Variants in ADAMTS19 observed in about 807,000 individuals in gnomAD.
The protein encoded by ADAMTS19 is ADAM metallopeptidase with thrombospondin type 1 motif 19.
In ADAMTS19, 93 loss-of-function variants were observed where a neutral mutation model predicts 153.3. The observed-to-expected ratio is 0.61, with a 90% CI of 0.51 to 0.72. The LOEUF (loss-of-function observed/expected upper bound fraction) is 0.72. Among genes scored for constraint, ADAMTS19 ranks in the 30% least tolerant of loss-of-function variants. ADAMTS19 has a pLI of 0.00. For missense variants in ADAMTS19, 1,482 were observed against 1,552.1 expected, an observed-to-expected ratio of 0.95 and a Z score of 0.76; for synonymous variants, 600 against 556.6, an observed-to-expected ratio of 1.08 and a Z score of -1.10.
chr5:129,613,487 C>G (rs978044115), intron 8 of ADAMTS19, among the ~76,000 whole-genome samples: 2 of 151,886 alleles, frequency 1.3e-5, no homozygotes, highest in African/African-American at 4.8e-5. Context: ...TTGAAACCAA[C>G]GAGAACAAAG....
intron 7 of ADAMTS19, 41 bp downstream of exon 7, chr5:129,551,948 C>G (rs1313742910): frequency 3.0e-6 from 4 of 1,342,044 alleles, no homozygotes; most frequent in Non-Finnish European, 3.1e-6. Context: ...TTCTGGAGAA[C>G]TTGAACATAT....
At chr5:129,530,742 G>A (rs918291480) in intron 6 of ADAMTS19, among the ~76,000 whole-genome samples, 3 of 151,258 alleles carry the variant, frequency 2.0e-5, no homozygotes, top group Non-Finnish European at 2.9e-5. Context: ...ACAACTGAAA[G>A]CAAGGTAAGG....
intron 7 of ADAMTS19, among the ~76,000 whole-genome samples, chr5:129,565,329 C>CA (rs1298125404): frequency 6.6e-6 from 1 of 152,182 alleles, no homozygotes. Flanking sequence ...GTCTGGGTCT[C>CA]AGATATATTC....
At chr5:129,586,504 A>G (rs147359023) in intron 7 of ADAMTS19, among the ~76,000 whole-genome samples, 40 of 152,294 alleles carry the variant, frequency 2.6e-4, no homozygotes, top group Admixed American at 1.8e-3. Context: ...ATGGCTTGAT[A>G]GCTCATTTCA....
At chr5:129,568,691 G>T (rs1337527076) in intron 7 of ADAMTS19, among the ~76,000 whole-genome samples, 1 of 151,938 alleles carries the variant, frequency 6.6e-6, no homozygotes, top group African/African-American at 2.4e-5. Flanking sequence ...GCATGGTATT[G>T]TGTTCTGGTA....
chr5:129,491,426 T>G (rs1750768996), intron 2 of ADAMTS19, among the ~76,000 whole-genome samples: 1 of 152,168 alleles, frequency 6.6e-6, no homozygotes, highest in Non-Finnish European at 1.5e-5. Flanking sequence ...TGAAAAGCAT[T>G]CTGTTATTGT....
At chr5:129,701,261 A>C in intron 19 of ADAMTS19, 127 bp from the exon 20 acceptor site, 2 of 1,034,424 alleles carry the variant, frequency 1.9e-6, no homozygotes, top group Non-Finnish European at 2.9e-6. Flanking sequence ...AACTGTGTCA[A>C]TTGGACCTCT....
intron 8 of ADAMTS19, among the ~76,000 whole-genome samples, chr5:129,607,157 T>A (rs954561271): frequency 6.6e-6 from 1 of 152,184 alleles, no homozygotes; most frequent in Non-Finnish European, 1.5e-5. Context: ...CCTCAGGTGA[T>A]CCACCCGCGG....
chr5:129,672,189 T>C (rs1167430097), intron 16 of ADAMTS19, among the ~76,000 whole-genome samples: 9 of 152,086 alleles, frequency 5.9e-5, no homozygotes, highest in Non-Finnish European at 1.2e-4. Flanking sequence ...TTGGGACTCT[T>C]ATAAGAACAC....
chr5:129,668,301 T>C (rs1294272009), intron 16 of ADAMTS19, among the ~76,000 whole-genome samples: 1 of 152,202 alleles, frequency 6.6e-6, no homozygotes, highest in Non-Finnish European at 1.5e-5. Context: ...TATCTGTAAT[T>C]TTTTAATGTG....
intron 5 of ADAMTS19, among the ~76,000 whole-genome samples, chr5:129,528,206 G>A (rs1752082412): frequency 6.6e-6 from 1 of 151,960 alleles, no homozygotes; most frequent in African/African-American, 2.4e-5. Flanking sequence ...AGAAAATGGT[G>A]TTCTACATAG....
Position 129,460,383 on chromosome 5 carries a change from G to C in ADAMTS19, c.-9G>C. On this transcript the variant is annotated 5_prime_UTR_variant, in exon 1 of 23. Transcript: ENST00000274487. ...GCCGGGCGAGAAGCCGCGGCCGCGG[G>C]AGCGCAGTATGGGGAAGAACCGCGA... 6.2e-7 allele frequency: 1 copy of C among 1,612,588 alleles called. No individual in the cohort carries two copies. Among genetic ancestry groups the C allele is most frequent in the South Asian group, 1.1e-5 (1 of 91,072 alleles).
At chr5:129,479,348 T>C (rs1750335444) in intron 2 of ADAMTS19, among the ~76,000 whole-genome samples, 1 of 152,224 alleles carries the variant, frequency 6.6e-6, no homozygotes, top group Non-Finnish European at 1.5e-5. Flanking sequence ...ATCTTCTCTT[T>C]CTCTTTCTGT....
intron 3 of ADAMTS19, among the ~76,000 whole-genome samples, chr5:129,519,309 C>G (rs1428943744): frequency 6.6e-6 from 1 of 152,074 alleles, no homozygotes; most frequent in Non-Finnish European, 1.5e-5. Context: ...ACAACTCTAA[C>G]TGGCACCCTA....
chr5:129,617,569 T>G (rs1445750655), intron 8 of ADAMTS19, among the ~76,000 whole-genome samples: 2 of 152,030 alleles, frequency 1.3e-5, no homozygotes, highest in East Asian at 3.9e-4. Context: ...CCACCACAGA[T>G]GGAAGAGTCA....
chr5:129,537,615 T>C (rs993120444), intron 6 of ADAMTS19, among the ~76,000 whole-genome samples: 1 of 152,170 alleles, frequency 6.6e-6, no homozygotes, highest in African/African-American at 2.4e-5. Flanking sequence ...GTTGAGTTCA[T>C]GTCCTTTGTA....
intron 8 of ADAMTS19, among the ~76,000 whole-genome samples, chr5:129,609,702 A>T (rs1015250437): frequency 6.6e-6 from 1 of 152,164 alleles, no homozygotes; most frequent in Non-Finnish European, 1.5e-5. Flanking sequence ...GCTCTCCCAT[A>T]CCAGATTCTC....
chr5:129,681,060 G>T (rs553812110), intron 17 of ADAMTS19, among the ~76,000 whole-genome samples: 1 of 152,196 alleles, frequency 6.6e-6, no homozygotes, highest in Admixed American at 6.5e-5. Context: ...GGAGTATGAT[G>T]TGCTGCATTA....
intron 8 of ADAMTS19, among the ~76,000 whole-genome samples, chr5:129,600,046 C>T (rs1750573616): frequency 6.6e-6 from 1 of 152,084 alleles, no homozygotes; most frequent in Non-Finnish European, 1.5e-5. Context: ...ATATGAATTA[C>T]ATCATCATCA....
Sources: gnomAD v4.1 joint callset for allele counts (sites outside exome capture counted in the v4.1 genomes callset) on GRCh38, gnomAD v4.1.1 for gene constraint, MANE v1.5 for transcripts, NCBI Gene and HGNC (gene_info 2026-07-23, HGNC 2026-07-21) for gene names.